TBC1D19: variants seen among roughly 807,000 people sequenced by gnomAD.
TBC1D19 encodes TBC1 domain family member 19.
Under a neutral mutation model 89.0 loss-of-function variants are expected in TBC1D19, and 60 were observed. That is an observed-to-expected ratio of 0.67 (90% confidence interval 0.55 to 0.84). The LOEUF (loss-of-function observed/expected upper bound fraction) is 0.84. TBC1D19 is among the 40% of genes least tolerant of loss of function. The probability of loss-of-function intolerance (pLI) is 0.00; values close to 1 mark genes in which losing one functional copy is unlikely to be tolerated. For synonymous variants in TBC1D19, 189 were observed against 199.7 expected (o/e 0.95, Z 0.45); for missense variants, 500 against 610.8 (o/e 0.82, Z 1.91).
At chr4:26,817,027 G>T in the TBC1D19 span, among the ~76,000 whole-genome samples, 1 of 152,332 alleles carries the variant, frequency 6.6e-6, no homozygotes, top group South Asian at 2.1e-4. Context: ...TGCTACTTTA[G>T]TAGGAGCAGA....
intron 14 of TBC1D19, 87 bp from the exon 15 acceptor site, chr4:26,719,994 C>G (rs111824965): frequency 2.8e-6 from 3 of 1,089,932 alleles, no homozygotes. Flanking sequence ...TTTAAAATTC[C>G]GTTGTTAGTA....
At chr4:26,656,955 A>G (rs921042082) in intron 7 of TBC1D19, among the ~76,000 whole-genome samples, 3 of 43,630 alleles carry the variant, frequency 6.9e-5, no homozygotes, top group Non-Finnish European at 1.4e-4. Context: ...ATGCCCTGCA[A>G]TCTTTCTTCT....
chr4:26,629,324 C>T (rs1188479342), intron 4 of TBC1D19, among the ~76,000 whole-genome samples: 1 of 151,964 alleles, frequency 6.6e-6, no homozygotes, highest in Non-Finnish European at 1.5e-5. Context: ...AGGTACTTTT[C>T]CGGTCTCATC....
chr4:26,629,654 T>G (rs1045516447), intron 4 of TBC1D19, among the ~76,000 whole-genome samples: 2 of 152,094 alleles, frequency 1.3e-5, no homozygotes, highest in African/African-American at 4.8e-5. Context: ...GTAAAAAATT[T>G]AAAAGAATCT....
chr4:26,637,212 G>A lies in TBC1D19; in HGVS notation c.296G>A (p.Gly99Glu). 6.2e-7 allele frequency: 1 copy of A among 1,601,806 alleles called. No individual in the cohort carries two copies. Among genetic ancestry groups the A allele is most frequent in the South Asian group, 1.1e-5 (1 of 89,140 alleles). ...EPLVYMRKAQ[G>E]SWEKRILKSL... ...AATTGATTGTTTTTTATGTTTCAGG[G>A]AAGTTGGGAAAAAAGAATTTTGAAG... The change falls in exon 5 of 21, where the codon GGA becomes GAA. Residue 99 changes from glycine to glutamate, a missense_variant and splice_region_variant. Gly to Glu is a moderately conservative substitution (Grantham distance 98). Around this residue, in one of 2 missense-constraint regions of TBC1D19, gnomAD observed 280 missense variants for 291.7 expected, o/e 0.96. Coordinates refer to ENST00000264866, the MANE Select transcript of TBC1D19 (RefSeq NM_018317.4).
chr4:26,583,127 A>C (rs1468208437), upstream of TBC1D19, among the ~76,000 whole-genome samples: 1 of 152,118 alleles, frequency 6.6e-6, no homozygotes, highest in South Asian at 2.1e-4. Flanking sequence ...TGCTTAAAAT[A>C]TGCATATACA....
intron 4 of TBC1D19, among the ~76,000 whole-genome samples, chr4:26,626,125 C>A (rs1742383352): frequency 6.6e-6 from 1 of 152,116 alleles, no homozygotes; most frequent in East Asian, 1.9e-4. Context: ...AGTATGGACT[C>A]ATGGATATTC....
exon 1 of TBC1D19, chr4:26,576,770 C>T (rs571583395): frequency 2.2e-6 from 1 of 456,144 alleles, no homozygotes; most frequent in African/African-American, 2.0e-5. Flanking sequence ...AGAGAGGGGC[C>T]ACAGTAAAAT....
chr4:26,620,648 A>C lies in TBC1D19; in HGVS notation c.254A>C (p.Glu85Ala). The C allele has an allele frequency of 6.2e-7, 1 of 1,613,746 alleles. No homozygotes were observed. The highest frequency in any genetic ancestry group is 2.2e-5 in the East Asian group (1 of 44,810). ...PLPSHPAAPP[E>A]HLKEPLVYMR... is the part of the protein sequence containing the mutation. ...CCTAGTCATCCTGCTGCACCTCCTGAACATCTTAAAGAACCTTTGGTATAC... is the reference window on the plus strand; with the variant it reads ...CCTAGTCATCCTGCTGCACCTCCTGCACATCTTAAAGAACCTTTGGTATAC... The change falls in exon 4 of 21, where the codon GAA becomes GCA. Residue 85 changes from glutamate (E) to alanine (A), a missense_variant. Transcript: ENST00000264866.
intron 7 of TBC1D19, among the ~76,000 whole-genome samples, chr4:26,648,793 CT>C (rs1474255926): frequency 6.6e-6 from 1 of 152,096 alleles, no homozygotes; most frequent in Non-Finnish European, 1.5e-5. Context: ...CTTCCCTTTT[CT>C]AGCACTTAAA....
In TBC1D19 at chr4:26,644,156, T is replaced by C. The variant is rs114297433; in HGVS notation, c.480+3969T>C. On this transcript the variant is annotated intron_variant, in intron 7 of 20. Coordinates refer to ENST00000264866, the MANE Select transcript of TBC1D19 (RefSeq NM_018317.4). ...TTTTAGACCAATACCCCGATGAACA[T>C]TGATGTGAAAATTCTCAATAAAAGA... 6.5e-3 allele frequency among the ~76,000 whole-genome samples: 983 copies of C among 152,024 alleles called. 9 individuals are homozygous for C. Among genetic ancestry groups the C allele is most frequent in the African/African-American group, 0.023 (942 of 41,456 alleles).
chr4:26,768,000 G>A, the TBC1D19 span, among the ~76,000 whole-genome samples: 1 of 152,068 alleles, frequency 6.6e-6, no homozygotes, highest in East Asian at 1.9e-4. Flanking sequence ...GTTCCAGGAG[G>A]CCAAGACAGG....
At chr4:26,618,535 G>A (rs79807610) in intron 3 of TBC1D19, among the ~76,000 whole-genome samples, 2,714 of 152,296 alleles carry the variant, frequency 0.018, 56 homozygotes, top group East Asian at 0.066. Flanking sequence ...TTATAAACAG[G>A]ATTGTGCCTC....
intron 15 of TBC1D19, among the ~76,000 whole-genome samples, chr4:26,728,807 A>C (rs566885777): frequency 6.6e-6 from 1 of 152,136 alleles, no homozygotes; most frequent in African/African-American, 2.4e-5. Context: ...AGGTCAGGAG[A>C]TCGAGACCAT....
rs979741934 is a variant in TBC1D19, at chr4:26,755,501, A to T, written c.*554A>T. 6.6e-6 allele frequency: 1 copy of T among 152,144 alleles called. No homozygotes were observed. The highest frequency in any genetic ancestry group is 1.5e-5 in the Non-Finnish European group (1 of 67,994). The allele number at this position is 152,144 out of a possible 1,614,324, so 9.4% of individuals were successfully genotyped here. A position where few individuals can be genotyped will look rare whatever the true frequency, so the allele number is the denominator to read the frequency against. On this transcript the variant is annotated 3_prime_UTR_variant, in exon 21 of 21. Transcript: ENST00000264866. The stretch of plus-strand genomic sequence containing the variant: ...ACTTTTTACACCCCAGGGATTTTCT[A>T]CATTTCTCTCCATTTTATTTCTCTC...
chr4:26,645,617 A>G (rs1459773636), intron 7 of TBC1D19, among the ~76,000 whole-genome samples: 2 of 152,194 alleles, frequency 1.3e-5, no homozygotes, highest in Non-Finnish European at 2.9e-5. Flanking sequence ...CGTCTAAAAC[A>G]CCAAAAGCAA....
the TBC1D19 span, among the ~76,000 whole-genome samples, chr4:26,806,214 T>C: frequency 6.6e-6 from 1 of 152,100 alleles, no homozygotes; most frequent in South Asian, 2.1e-4. Context: ...TAGTTGCTGT[T>C]TTCTCCTGAT....
the TBC1D19 span, among the ~76,000 whole-genome samples, chr4:26,837,773 G>A: frequency 6.6e-6 from 1 of 152,108 alleles, no homozygotes; most frequent in Non-Finnish European, 1.5e-5. Context: ...ATGCATGTGG[G>A]GTGCGGGTGA....
intron 19 of TBC1D19, among the ~76,000 whole-genome samples, chr4:26,748,977 G>A (rs564447685): frequency 6.6e-6 from 1 of 152,188 alleles, no homozygotes; most frequent in Non-Finnish European, 1.5e-5. Flanking sequence ...GCTCTTCTGT[G>A]TCTATTTATA....
Sources: allele counts gnomAD v4.1 joint callset (sites outside exome capture counted in the v4.1 genomes callset), GRCh38; gene constraint gnomAD v4.1.1; regional missense constraint gnomAD v4.1.1; transcripts MANE v1.5; gene names NCBI Gene and HGNC (gene_info 2026-07-23, HGNC 2026-07-21).